MED13: variants seen among roughly 807,000 people sequenced by gnomAD.
MED13 encodes mediator of RNA polymerase II transcription subunit 13.
A neutral mutation model predicts 225.2 loss-of-function variants in MED13; 23 were observed. The ratio of observed to expected loss-of-function variants is 0.10; its 90% CI spans 0.07 to 0.14. MED13 has a LOEUF of 0.14. Ranked by LOEUF, MED13 falls within the 10% of genes least tolerant of loss-of-function variation. MED13 has a pLI of 1.00. For missense variants in MED13, 2,197 were observed against 2,594.5 expected (o/e 0.85, Z 3.33); for synonymous variants, 942 against 889.2 (o/e 1.06, Z -1.06).
At chr17:62,038,867 G>T (rs550190547) in intron 3 of MED13, among the ~76,000 whole-genome samples, 2 of 151,770 alleles carry the variant, frequency 1.3e-5, no homozygotes, top group Non-Finnish European at 2.9e-5. Context: ...GGGGCGGGGG[G>T]GCTCACTATG....
At chr17:62,001,258 A>T (rs1238351031) in intron 9 of MED13, among the ~76,000 whole-genome samples, 1 of 152,142 alleles carries the variant, frequency 6.6e-6, no homozygotes, top group Non-Finnish European at 1.5e-5. Flanking sequence ...TTATTCTCCT[A>T]CTTTACTGTT....
intron 16 of MED13, among the ~76,000 whole-genome samples, chr17:61,973,979 T>C (rs190027236): frequency 3.9e-5 from 6 of 152,260 alleles, no homozygotes; most frequent in African/African-American, 9.6e-5. Flanking sequence ...TGAGAGCCTG[T>C]TGTCTCAAAA....
chr17:61,955,830 A>G lies in MED13; in HGVS notation c.5632T>C (p.Cys1878Arg). ...TGCAAGTTTCGACGACTCAGCAAACAGCTCCAATCTGTGGGTATCAACAGT... is the reference window on the plus strand; with the variant it reads ...TGCAAGTTTCGACGACTCAGCAAACGGCTCCAATCTGTGGGTATCAACAGT... ...IGHGELKDWSCLLSRRNLQSL... is the reference protein window; with the variant it reads ...IGHGELKDWSRLLSRRNLQSL... Residue 1878 changes from cysteine (C) to arginine (R), a missense_variant, in exon 25 of 30, where the codon TGT becomes CGT. Transcript: ENST00000397786. The G allele has an allele frequency of 6.4e-7, 1 of 1,560,636 alleles. No individual in the cohort carries two copies. Among genetic ancestry groups the G allele is most frequent in the Admixed American group, 2.0e-5 (1 of 49,310 alleles).
intron 18 of MED13, 91 bp downstream of exon 18, chr17:61,967,944 T>A (rs2080073552): frequency 1.1e-6 from 1 of 925,672 alleles, no homozygotes; most frequent in Admixed American, 2.2e-5. Flanking sequence ...CATCACTGTG[T>A]CCCAATCAAC....
rs775322768 is a variant in MED13 at position 61,982,220 on chromosome 17, T to C, written c.3783A>G (p.Leu1261=). 93 of 1,613,162 alleles carry C rather than the reference T, an allele frequency of 5.8e-5. No individual in the cohort carries two copies. The highest frequency in any genetic ancestry group is 7.8e-5 in the Non-Finnish European group (92 of 1,179,554). Reference sequence around the variant, plus strand: ...TACCGTTTCTTTTGGACCAGGGGTGTAAGCATGAACTTTTCACAAGTGCTT... The same window carrying C: ...TACCGTTTCTTTTGGACCAGGGGTGCAAGCATGAACTTTTCACAAGTGCTT... ...VDEALVKSSC[L]HPWSKRNDVS... is the part of the protein sequence containing the mutation. Residue 1261 remains leucine (L), a synonymous_variant, in exon 16 of 30, where the codon TTA becomes TTG. Coordinates refer to ENST00000397786, the MANE Select transcript of MED13 (RefSeq NM_005121.3).
Position 62,063,450 on chromosome 17 carries a change from T to C in MED13, c.67-149A>G, listed in dbSNP as rs1205224375. 5 of 562,284 alleles carry C rather than the reference T, an allele frequency of 8.9e-6. No homozygotes were observed. In the African/African-American group the frequency reaches 9.3e-5, roughly 10 times the overall value. 34.8% of individuals were successfully genotyped at this position (562,284 alleles called of 1,614,324 possible). On this transcript the variant is annotated intron_variant, in intron 1 of 29. Coordinates refer to ENST00000397786, the MANE Select transcript of MED13 (RefSeq NM_005121.3). The stretch of plus-strand genomic sequence containing the variant: ...TGCAAATTAGAACAAAAAAAGACTT[T>C]ATAATTCAACAACCAAGAATTTTAG...
intron 8 of MED13, among the ~76,000 whole-genome samples, chr17:62,014,310 T>TATATATATATATATATATATATATA (rs1555638734): frequency 1.3e-4 from 18 of 143,092 alleles, no homozygotes; most frequent in African/African-American, 4.6e-4. Flanking sequence ...GTATATGTTT[T>TATATATATATATATATATATATATA]TATATATATA....
intron 20 of MED13, 58 bp downstream of exon 20, chr17:61,964,948 G>T: frequency 6.8e-7 from 1 of 1,476,010 alleles, no homozygotes; most frequent in Non-Finnish European, 9.1e-7. Context: ...GAAAAAAAAA[G>T]AAAGAAGCAG....
intron 8 of MED13, among the ~76,000 whole-genome samples, chr17:62,027,464 A>G (rs1156750686): frequency 2.0e-5 from 3 of 152,216 alleles, no homozygotes; most frequent in Non-Finnish European, 4.4e-5. Context: ...GTAAAACCCA[A>G]AACTATAAAA....
rs752382525 is a variant in MED13 at position 61,995,370 on chromosome 17, A to G, written c.1968-5T>C. On this transcript the variant is annotated splice_region_variant and splice_polypyrimidine_tract_variant and intron_variant, in intron 9 of 29. Coordinates refer to ENST00000397786, the MANE Select transcript of MED13 (RefSeq NM_005121.3). ...TTCTTACATTGCACCATTAACCTGC[A>G]TAAAAAAATTAAAAAAAATTAATTA... 7.7e-6 allele frequency: 12 copies of G among 1,563,174 alleles called. No homozygotes were observed. The highest frequency in any genetic ancestry group is 6.8e-5 in the East Asian group (3 of 44,262).
chr17:62,004,303 A>T (rs1266782142), intron 9 of MED13: 1 of 152,220 alleles, frequency 6.6e-6, no homozygotes, highest in Non-Finnish European at 1.5e-5. Flanking sequence ...TCTAATAGGG[A>T]AAAGACCATT....
chr17:62,047,474 T>C (rs1044569250), intron 3 of MED13, among the ~76,000 whole-genome samples: 1 of 152,142 alleles, frequency 6.6e-6, no homozygotes, highest in African/African-American at 2.4e-5. Flanking sequence ...AAACACTGTA[T>C]GTTCTCACTC....
intron 24 of MED13, among the ~76,000 whole-genome samples, 176 bp downstream of exon 24, chr17:61,956,163 A>G (rs2079942162): frequency 6.6e-6 from 1 of 152,248 alleles, no homozygotes; most frequent in African/African-American, 2.4e-5. Flanking sequence ...TAAAGTTAAA[A>G]TAAGAGTAAA....
At chr17:61,948,275 G>A (rs2079867188) in intron 28 of MED13, among the ~76,000 whole-genome samples, 1 of 152,046 alleles carries the variant, frequency 6.6e-6, no homozygotes, top group African/African-American at 2.4e-5. Context: ...TTCATAACCA[G>A]AAGTCCTAAT....
intron 3 of MED13, among the ~76,000 whole-genome samples, chr17:62,045,019 C>CA (rs199634037): frequency 1.3e-5 from 2 of 150,168 alleles, no homozygotes; most frequent in Non-Finnish European, 3.0e-5. Context: ...GTAAATATAT[C>CA]AAAAAAGATT....
chr17:61,982,721 G>A lies in MED13; in HGVS notation c.3282C>T (p.Cys1094=). ...TGATGTTCATGTTGCAAACACAGAT[G>A]CAACAACTATCAAAGTTACAGTCTT... ...LFKDCNFDSC[C]ICVCNMNIKG... is the part of the protein sequence containing the mutation. Residue 1094 remains cysteine, a synonymous_variant, in exon 16 of 30, where the codon TGC becomes TGT. Coordinates refer to ENST00000397786, the MANE Select transcript of MED13 (RefSeq NM_005121.3). 6.2e-7 allele frequency: 1 copy of A among 1,614,142 alleles called. No individual in the cohort carries two copies. The highest frequency in any genetic ancestry group is 2.2e-5 in the East Asian group (1 of 44,886).
chr17:61,956,521 A>G (rs758687422), intron 23 of MED13, 40 bp from the exon 24 acceptor site: 25 of 1,559,488 alleles, frequency 1.6e-5, no homozygotes, highest in Middle Eastern at 1.7e-4. Context: ...ATATTTCTAA[A>G]ATTTATATGA....
At position 61,992,640 on chromosome 17, in the gene MED13, T is replaced by A. The variant is rs914123589; in HGVS notation, c.2182-19A>T. 1.3e-6 allele frequency: 2 copies of A among 1,520,852 alleles called. No homozygotes were observed. The highest frequency in any genetic ancestry group is 9.1e-7 in the Non-Finnish European group (1 of 1,097,372). 94.2% of individuals were successfully genotyped at this position (1,520,852 alleles called of 1,614,324 possible). A position where few individuals can be genotyped will look rare whatever the true frequency, so the allele number is the denominator to read the frequency against. On this transcript the variant is annotated intron_variant, in intron 10 of 29. Coordinates refer to ENST00000397786, the MANE Select transcript of MED13 (RefSeq NM_005121.3). Reference sequence around the variant, plus strand: ...CTTCTACCTGCAAACAAATATTTCATGTTAGGCTGAAATATATAATTTACC... The same window carrying A: ...CTTCTACCTGCAAACAAATATTTCAAGTTAGGCTGAAATATATAATTTACC...
intron 28 of MED13, among the ~76,000 whole-genome samples, chr17:61,948,466 G>A (rs1320205792): frequency 6.6e-6 from 1 of 152,026 alleles, no homozygotes; most frequent in Non-Finnish European, 1.5e-5. Context: ...TCCTTTCCTT[G>A]TGTATTAATA....
Sources: allele counts gnomAD v4.1 joint callset (sites outside exome capture counted in the v4.1 genomes callset), GRCh38; gene constraint gnomAD v4.1.1; transcripts MANE v1.5; gene names NCBI Gene and HGNC (gene_info 2026-07-23, HGNC 2026-07-21).